Variants in ARHGAP35 observed in about 807,000 individuals in gnomAD.
ARHGAP35 encodes the protein Rho GTPase activating protein 35, also known as rho GTPase-activating protein 35.
Under a neutral mutation model 111.1 loss-of-function variants are expected in ARHGAP35, and 15 were observed. The ratio of observed to expected loss-of-function variants is 0.13; its 90% CI spans 0.09 to 0.21. The LOEUF (loss-of-function observed/expected upper bound fraction) is 0.21, where lower values mean the gene tolerates loss of function less well. ARHGAP35 is among the 10% of genes least tolerant of loss of function. The probability of loss-of-function intolerance (pLI) is 1.00; values close to 1 mark genes in which losing one functional copy is unlikely to be tolerated. For missense variants in ARHGAP35, 1,262 were observed against 1,873.0 expected (o/e 0.67, Z 6.02); for synonymous variants, 643 against 710.3 (o/e 0.91, Z 1.51).
rs904768859 is a variant in ARHGAP35 at position 46,973,072 on chromosome 19, A to T, written c.3827-14917A>T. Among the ~76,000 whole-genome samples, 14 of 152,308 alleles carry T rather than the reference A, an allele frequency of 9.2e-5. No homozygotes were observed. The South Asian group carries it at 2.3e-3, about 25-fold the overall frequency. On this transcript the variant is annotated intron_variant, in intron 3 of 6. Transcript: ENST00000672722. Reference sequence around the variant, plus strand: ...ACATTTTCTTTTCTTTTTTAAAAAAATTGAGACAGGTCGGCTGCAGTGGCT... The same window carrying T: ...ACATTTTCTTTTCTTTTTTAAAAAATTTGAGACAGGTCGGCTGCAGTGGCT...
At chr19:46,888,837 C>CA (rs769595005) in intron 1 of ARHGAP35, among the ~76,000 whole-genome samples, 5,677 of 57,388 alleles carry the variant, frequency 0.099, 166 homozygotes, top group East Asian at 0.24. Context: ...ACTAAAAATA[C>CA]AAAAAAAAAA....
intron 1 of ARHGAP35, among the ~76,000 whole-genome samples, chr19:46,909,176 G>C (rs1004316241): frequency 2.6e-5 from 4 of 152,052 alleles, no homozygotes; most frequent in African/African-American, 9.7e-5. Flanking sequence ...GGTGGCATGC[G>C]CTTGTAGTCC....
intron 3 of ARHGAP35, among the ~76,000 whole-genome samples, chr19:46,977,161 T>C (rs1376851780): frequency 6.6e-6 from 1 of 152,224 alleles, no homozygotes; most frequent in Non-Finnish European, 1.5e-5. Context: ...GGCGTGGCCC[T>C]GTGGGGACTC....
intron 3 of ARHGAP35, among the ~76,000 whole-genome samples, chr19:46,940,421 G>A (rs1367060150): frequency 6.6e-5 from 10 of 151,266 alleles, no homozygotes; most frequent in African/African-American, 1.9e-4. Context: ...CCAGCTACTC[G>A]GGAAGCTGAG....
At chr19:46,944,191 T>G (rs999076762) in intron 3 of ARHGAP35, among the ~76,000 whole-genome samples, 3 of 151,464 alleles carry the variant, frequency 2.0e-5, no homozygotes, top group Non-Finnish European at 4.4e-5. Flanking sequence ...TCCCAGCTAC[T>G]CAGAGGCTGA....
In ARHGAP35 at chr19:46,993,778, C is replaced by T. The variant is rs1445022426; in HGVS notation, c.4036+4103C>T. On this transcript the variant is annotated intron_variant, in intron 5 of 6. Transcript: ENST00000672722. This position sits in a 1 kb window ranked among gnomAD's most constrained non-coding sequence, Gnocchi z 4.6. ...CAGCTCCCAGCCCACGCCCCCTGAG[C>T]AAGAGCAGAGCCACCTGGAGCCAAG... 6.6e-6 allele frequency among the ~76,000 whole-genome samples: 1 copy of T among 151,922 alleles called. No homozygotes were observed. The highest frequency in any genetic ancestry group is 1.9e-4 in the East Asian group (1 of 5,186).
At chr19:46,891,564 C>T (rs949035508) in intron 1 of ARHGAP35, among the ~76,000 whole-genome samples, 1 of 151,880 alleles carries the variant, frequency 6.6e-6, no homozygotes, top group African/African-American at 2.4e-5. Context: ...GTAGCTGGGA[C>T]TACAGGCTAG....
In ARHGAP35 at chr19:46,994,374, CTG is replaced by C. The variant is rs1465120484; in HGVS notation, c.4036+4702_4036+4703del. On this transcript the variant is annotated intron_variant, in intron 5 of 6. Transcript: ENST00000672722. The surrounding 1 kb of genome is among the most constrained non-coding windows in gnomAD (Gnocchi z 5.4). The stretch of plus-strand genomic sequence containing the variant: ...TGCCCTGTGACCAGGTCCACACAGA[CTG>C]TGGCCCCAGCCTTCGGCAGCACCAT... Among the ~76,000 whole-genome samples the C allele has an allele frequency of 6.6e-6, 1 of 152,240 alleles. No individual in the cohort carries two copies. Among genetic ancestry groups the C allele is most frequent in the Non-Finnish European group, 1.5e-5 (1 of 68,042 alleles).
rs2056696352 is a variant in ARHGAP35, at chr19:46,994,510, GC to G, written c.4037-4791del. ...GGAGTCTGTGCTTGACCACACCCAG[GC>G]CCAGGTTGGAGCGGGATAGCCCAGT... On this transcript the variant is annotated intron_variant, in intron 5 of 6. Transcript: ENST00000672722. The surrounding 1 kb of genome is among the most constrained non-coding windows in gnomAD (Gnocchi z 5.4). 6.6e-6 allele frequency among the ~76,000 whole-genome samples: 1 copy of G among 152,190 alleles called. No homozygotes were observed. Among genetic ancestry groups the G allele is most frequent in the African/African-American group, 2.4e-5 (1 of 41,434 alleles).
chr19:46,998,292 C>A (rs767423637), intron 5 of ARHGAP35, among the ~76,000 whole-genome samples: 3 of 152,174 alleles, frequency 2.0e-5, no homozygotes, highest in Admixed American at 2.0e-4. Flanking sequence ...CTCTTCACCA[C>A]CCCCACAGCC....
chr19:46,892,140 A>AG (rs1568461837), intron 1 of ARHGAP35, among the ~76,000 whole-genome samples: 2 of 149,420 alleles, frequency 1.3e-5, no homozygotes, highest in Non-Finnish European at 1.5e-5. Context: ...AAAAAAAAAA[A>AG]AAAAAAAGAA....
At chr19:46,910,097 T>A (rs1446105104) in intron 1 of ARHGAP35, among the ~76,000 whole-genome samples, 1 of 152,112 alleles carries the variant, frequency 6.6e-6, no homozygotes, top group Non-Finnish European at 1.5e-5. Flanking sequence ...CAACAATAAA[T>A]AACTCAACGG....
Position 46,999,250 on chromosome 19 carries a change from G to T in ARHGAP35, c.4037-54G>T. On this transcript the variant is annotated intron_variant, in intron 5 of 6. Transcript: ENST00000672722. The surrounding 1 kb of genome is among the most constrained non-coding windows in gnomAD (Gnocchi z 5.4). ...GGCCCATCACAGAGCACGCCCTGGG[G>T]TGGCCACCAGCCTCGGCCATGAAAG... The T allele has an allele frequency of 7.8e-7, 1 of 1,283,440 alleles. No individual in the cohort carries two copies. Among genetic ancestry groups the T allele is most frequent in the East Asian group, 2.5e-5 (1 of 39,892 alleles). 79.5% of individuals were successfully genotyped at this position (1,283,440 alleles called of 1,614,324 possible). A position where few individuals can be genotyped will look rare whatever the true frequency, so the allele number is the denominator to read the frequency against.
chr19:46,873,276 C>T (rs1349646486), intron 1 of ARHGAP35, among the ~76,000 whole-genome samples: 3 of 152,156 alleles, frequency 2.0e-5, no homozygotes, highest in Non-Finnish European at 2.9e-5. Flanking sequence ...ATAGATAGAG[C>T]TGAACCCTTA....
Position 47,000,928 on chromosome 19 carries a change from G to A in ARHGAP35, c.*240G>A, listed in dbSNP as rs1321914500. 2 of 1,528,194 alleles carry A rather than the reference G, an allele frequency of 1.3e-6. No individual in the cohort carries two copies. Among genetic ancestry groups the A allele is most frequent in the Non-Finnish European group, 1.8e-6 (2 of 1,142,370 alleles). The allele number at this position is 1,528,194 out of a possible 1,614,324, so 94.7% of individuals were successfully genotyped here. On this transcript the variant is annotated 3_prime_UTR_variant, in exon 7 of 7. Transcript: ENST00000672722. The surrounding 1 kb of genome is among the most constrained non-coding windows in gnomAD (Gnocchi z 6.9). The stretch of plus-strand genomic sequence containing the variant: ...ACCCATTTGAGGACTGAACTAGGCA[G>A]GCAATGGCTCCAGTGCCCTCCCTCT...
At chr19:46,943,323 A>G (rs1406622473) in intron 3 of ARHGAP35, among the ~76,000 whole-genome samples, 1 of 152,124 alleles carries the variant, frequency 6.6e-6, no homozygotes, top group African/African-American at 2.4e-5. Context: ...CCTCTGACTG[A>G]GCAGGGGGTT....
intron 1 of ARHGAP35, among the ~76,000 whole-genome samples, chr19:46,879,345 T>C (rs900599601): frequency 2.0e-5 from 3 of 151,842 alleles, no homozygotes; most frequent in African/African-American, 7.3e-5. Context: ...TCCCAGCACT[T>C]AGGGAGGCCA....
intron 2 of ARHGAP35, among the ~76,000 whole-genome samples, chr19:46,931,712 G>A (rs2056273954): frequency 6.6e-6 from 1 of 152,100 alleles, no homozygotes; most frequent in Non-Finnish European, 1.5e-5. Flanking sequence ...TTTCAGGCTG[G>A]CCCAGTCCTT....
intron 1 of ARHGAP35, among the ~76,000 whole-genome samples, chr19:46,900,597 T>C (rs7259209): frequency 0.63 from 96,116 of 152,050 alleles, 31,115 homozygotes; most frequent in Middle Eastern, 0.8. Context: ...AAATTACTTG[T>C]GGACAGGTTT....
Sources: allele counts gnomAD v4.1 joint callset (sites outside exome capture counted in the v4.1 genomes callset), GRCh38; gene constraint gnomAD v4.1.1; non-coding constraint Gnocchi (gnomAD v3.1); transcripts MANE v1.5; gene names NCBI Gene and HGNC (gene_info 2026-07-23, HGNC 2026-07-21).